Variants in SPATA13 observed in about 807,000 individuals in gnomAD.
SPATA13 encodes the protein spermatogenesis associated 13.
In SPATA13, 50 loss-of-function variants were observed where a neutral mutation model predicts 104.0. The observed-to-expected ratio is 0.48, with a 90% CI of 0.38 to 0.61. SPATA13 has a LOEUF of 0.61. SPATA13 is among the 20% of genes least tolerant of loss of function. The probability of loss-of-function intolerance (pLI) is 0.00; values close to 1 mark genes in which losing one functional copy is unlikely to be tolerated. For synonymous variants in SPATA13, 606 were observed against 667.5 expected (o/e 0.91, Z 1.42); for missense variants, 1,524 against 1,690.6 (o/e 0.90, Z 1.73).
intron 3 of SPATA13, among the ~76,000 whole-genome samples, chr13:24,098,925 CAAAAAAAA>C (rs61641076): frequency 2.5e-5 from 2 of 79,520 alleles, no homozygotes; most frequent in Non-Finnish European, 5.4e-5. Flanking sequence ...GACTCCATCT[CAAAAAAAA>C]AAAAAAAAAG....
chr13:24,282,244 A>G (rs1051773023), intron 4 of SPATA13, among the ~76,000 whole-genome samples: 4 of 152,162 alleles, frequency 2.6e-5, no homozygotes, highest in Admixed American at 6.5e-5. Flanking sequence ...TGAACTGTGC[A>G]TAGAAAATGC....
intron 3 of SPATA13, among the ~76,000 whole-genome samples, chr13:24,041,725 T>A (rs1197517296): frequency 6.6e-6 from 1 of 152,074 alleles, no homozygotes; most frequent in Non-Finnish European, 1.5e-5. Flanking sequence ...GAGTAGTGGA[T>A]CAGGGCATCC....
chr13:24,012,154 A>G (rs895813667), intron 2 of SPATA13, among the ~76,000 whole-genome samples: 3 of 152,234 alleles, frequency 2.0e-5, no homozygotes, highest in African/African-American at 7.2e-5. Context: ...GCCTATGATG[A>G]AAGCCTGCAG....
At chr13:24,064,743 TG>T (rs1288826400) in intron 3 of SPATA13, among the ~76,000 whole-genome samples, 1 of 152,208 alleles carries the variant, frequency 6.6e-6, no homozygotes, top group Non-Finnish European at 1.5e-5. Flanking sequence ...AAAATGCTGC[TG>T]GGTGCCTTCT....
At chr13:24,184,397 G>C (rs761273088) in intron 1 of SPATA13, among the ~76,000 whole-genome samples, 4 of 152,176 alleles carry the variant, frequency 2.6e-5, no homozygotes, top group Non-Finnish European at 4.4e-5. Context: ...TCCCAGCTGG[G>C]CCAAGCAGCC....
At chr13:24,081,973 A>T (rs559266369) in intron 3 of SPATA13, among the ~76,000 whole-genome samples, 48 of 152,258 alleles carry the variant, frequency 3.2e-4, no homozygotes, top group African/African-American at 1.1e-3. Flanking sequence ...GGTCATATGC[A>T]TATCTATTTA....
chr13:24,015,989 G>A (rs998482822), intron 2 of SPATA13, among the ~76,000 whole-genome samples: 2 of 152,204 alleles, frequency 1.3e-5, no homozygotes, highest in Non-Finnish European at 2.9e-5. Flanking sequence ...TGGCTCCACA[G>A]TGACTTGGAG....
At chr13:24,089,379 A>G (rs1879842847) in intron 3 of SPATA13, among the ~76,000 whole-genome samples, 1 of 152,200 alleles carries the variant, frequency 6.6e-6, no homozygotes, top group Admixed American at 6.5e-5. Flanking sequence ...GGAGATAAAG[A>G]TATTTCCGTT....
rs751238178 is a variant in SPATA13 at position 24,249,545 on chromosome 13, C to T, written c.1722C>T (p.Thr574=). The T allele has an allele frequency of 6.2e-7, 1 of 1,612,998 alleles. No homozygotes were observed. The highest frequency in any genetic ancestry group is 1.1e-5 in the South Asian group (1 of 91,010). ...AGGAAAGGACAGAGGCACAGAGAACCCCCAAGAGGAGATGGGGCTCTGGGA... is the reference window on the plus strand; with the variant it reads ...AGGAAAGGACAGAGGCACAGAGAACTCCCAAGAGGAGATGGGGCTCTGGGA... ...QDEERTEAQR[T]PKRRWGSGRR... Residue 574 remains threonine, a synonymous_variant, in exon 3 of 13, where the codon ACC becomes ACT. Coordinates refer to ENST00000382108, the MANE Select transcript of SPATA13 (RefSeq NM_001166271.3).
At chr13:24,244,398 C>T (rs1438815892) in intron 2 of SPATA13, among the ~76,000 whole-genome samples, 4 of 152,212 alleles carry the variant, frequency 2.6e-5, no homozygotes, top group Admixed American at 2.6e-4. Context: ...TTGTCTGAAT[C>T]TTTCATTTTT....
chr13:24,010,391 C>T (rs1340845751), intron 2 of SPATA13, among the ~76,000 whole-genome samples: 1 of 151,552 alleles, frequency 6.6e-6, no homozygotes, highest in African/African-American at 2.4e-5. Flanking sequence ...TGAAATTCAG[C>T]AGAATTGTTT....
At chr13:24,107,608 TTA>T (rs1470697396) in intron 3 of SPATA13, among the ~76,000 whole-genome samples, 1 of 152,218 alleles carries the variant, frequency 6.6e-6, no homozygotes, top group African/African-American at 2.4e-5. Context: ...ACTCTTATAT[TTA>T]TATGTCTGTG....
intron 3 of SPATA13, among the ~76,000 whole-genome samples, chr13:24,139,884 G>A (rs1339870372): frequency 1.3e-5 from 2 of 152,128 alleles, no homozygotes; most frequent in Admixed American, 6.5e-5. Flanking sequence ...TGCCTAACAT[G>A]GTGAAACCCT....
At chr13:24,191,224 C>A (rs1455025171) in intron 1 of SPATA13, among the ~76,000 whole-genome samples, 5 of 152,142 alleles carry the variant, frequency 3.3e-5, no homozygotes. Context: ...AATCCTCCTG[C>A]CTCGGCCTCC....
intron 3 of SPATA13, among the ~76,000 whole-genome samples, chr13:24,115,038 T>C (rs9507249): frequency 0.49 from 74,735 of 151,932 alleles, 19,592 homozygotes; most frequent in East Asian, 0.62. Flanking sequence ...AACATTGTTT[T>C]AGGGGAGGAG....
At position 24,269,432 on chromosome 13, in the gene SPATA13, CTG is replaced by C. The variant is rs543227933; in HGVS notation, c.2165-14701_2165-14700del. On this transcript the variant is annotated intron_variant, in intron 4 of 12. Coordinates refer to ENST00000382108, the MANE Select transcript of SPATA13 (RefSeq NM_001166271.3). ...TCTATTTTAGAGACAGGATCTAGCT[CTG>C]TAACTCACAACACTGGAGTGCAGTG... Among the ~76,000 whole-genome samples the C allele has an allele frequency of 7.9e-5, 12 of 152,260 alleles. No homozygotes were observed. In the South Asian group the frequency reaches 2.3e-3, roughly 29 times the overall value.
chr13:24,013,294 T>G (rs1033460902), intron 2 of SPATA13, among the ~76,000 whole-genome samples: 4 of 152,140 alleles, frequency 2.6e-5, no homozygotes, highest in African/African-American at 9.7e-5. Flanking sequence ...GCACCCTGGC[T>G]TCCACAGCAT....
chr13:24,282,405 C>T (rs944985859), intron 4 of SPATA13, among the ~76,000 whole-genome samples: 1 of 152,228 alleles, frequency 6.6e-6, no homozygotes, highest in Non-Finnish European at 1.5e-5. Flanking sequence ...CCCAGGGCGA[C>T]CTTCAGCCAG....
intron 1 of SPATA13, among the ~76,000 whole-genome samples, chr13:24,209,089 A>AG (rs1870869659): frequency 1.3e-5 from 2 of 152,168 alleles, no homozygotes; most frequent in African/African-American, 2.4e-5. Flanking sequence ...GCACTGATGC[A>AG]GGGGTCATTC....
Sources: allele counts gnomAD v4.1 joint callset (sites outside exome capture counted in the v4.1 genomes callset), GRCh38; gene constraint gnomAD v4.1.1; transcripts MANE v1.5; gene names NCBI Gene and HGNC (gene_info 2026-07-23, HGNC 2026-07-21).